SYN3: variants seen among roughly 807,000 people sequenced by gnomAD.
SYN3 encodes the protein synapsin III.
In SYN3, 35 loss-of-function variants were observed where a neutral mutation model predicts 65.8. The ratio of observed to expected loss-of-function variants is 0.53; its 90% CI spans 0.41 to 0.70. The LOEUF (loss-of-function observed/expected upper bound fraction) is 0.70, where lower values mean the gene tolerates loss of function less well. SYN3 is among the 30% of genes least tolerant of loss of function. The pLI is 0.00. For missense variants in SYN3, 680 were observed against 749.0 expected, an observed-to-expected ratio of 0.91 and a Z score of 1.08; for synonymous variants, 270 against 292.9, an observed-to-expected ratio of 0.92 and a Z score of 0.80.
chr22:32,664,485 C>T (rs1345914933), intron 6 of SYN3, among the ~76,000 whole-genome samples: 1 of 150,352 alleles, frequency 6.7e-6, no homozygotes, highest in Admixed American at 6.6e-5. Flanking sequence ...TTTTGGGGAA[C>T]AGGAGGTGTC....
Position 33,046,841 on chromosome 22 carries a change from TAAA to T in SYN3, c.-163+11448_-163+11450del, listed in dbSNP as rs71187229. On this transcript the variant is annotated intron_variant, in intron 1 of 13. Coordinates refer to ENST00000358763, the MANE Select transcript of SYN3 (RefSeq NM_003490.4). The stretch of plus-strand genomic sequence containing the variant: ...CTGGGCAACAGAGCAAGTCTCTGTT[TAAA>T]AAAAAAAAAAAAAAAAAAAAAAATC... Among the ~76,000 whole-genome samples the T allele has an allele frequency of 1.0e-3, 97 of 92,784 alleles. 1 individual carries two copies. The Middle Eastern group carries it at 0.017, about 16-fold the overall frequency. The allele number at this position is 92,784 out of a possible 152,430, so 60.9% of individuals were successfully genotyped here.
At chr22:32,850,379 C>T (rs2048183974) in intron 6 of SYN3, among the ~76,000 whole-genome samples, 1 of 151,960 alleles carries the variant, frequency 6.6e-6, no homozygotes, top group African/African-American at 2.4e-5. Context: ...ATTCTAAGCA[C>T]CCTGGGATGC....
chr22:32,725,047 G>A (rs935893663), intron 6 of SYN3, among the ~76,000 whole-genome samples: 3 of 152,184 alleles, frequency 2.0e-5, no homozygotes, highest in African/African-American at 4.8e-5. Flanking sequence ...AATCTAGAAG[G>A]TGGAGGTTCC....
chr22:32,538,606 C>G (rs900067072), intron 8 of SYN3, among the ~76,000 whole-genome samples: 10 of 152,156 alleles, frequency 6.6e-5, no homozygotes, highest in African/African-American at 2.4e-4. Flanking sequence ...TAACAACCGA[C>G]CTCCCTTCCG....
intron 6 of SYN3, among the ~76,000 whole-genome samples, chr22:32,730,430 T>G (rs2061255078): frequency 6.6e-6 from 1 of 152,246 alleles, no homozygotes; most frequent in African/African-American, 2.4e-5. Flanking sequence ...TCTTCCCATT[T>G]CAGCTGATTT....
At chr22:33,008,066 A>G (rs1022979032) in intron 1 of SYN3, among the ~76,000 whole-genome samples, 2 of 152,002 alleles carry the variant, frequency 1.3e-5, no homozygotes, top group African/African-American at 4.8e-5. Context: ...CCTCCAAAGT[A>G]GCTGGGATTA....
chr22:33,043,376 C>T (rs112971392), intron 1 of SYN3, among the ~76,000 whole-genome samples: 25,237 of 152,034 alleles, frequency 0.17, 2,380 homozygotes, highest in East Asian at 0.41. Flanking sequence ...GGCGAAACCC[C>T]GTCTCTACTA....
At chr22:32,542,456 T>G (rs2058271607) in intron 7 of SYN3, among the ~76,000 whole-genome samples, 1 of 151,626 alleles carries the variant, frequency 6.6e-6, no homozygotes, top group Non-Finnish European at 1.5e-5. Context: ...GTATAGTGTG[T>G]GATATATGTG....
intron 4 of SYN3, among the ~76,000 whole-genome samples, chr22:32,911,058 C>T (rs1343811685): frequency 1.3e-5 from 2 of 152,166 alleles, no homozygotes; most frequent in Non-Finnish European, 2.9e-5. Flanking sequence ...CACACACAGA[C>T]ATAGGGTCAT....
At chr22:32,861,151 A>G (rs1435584885) in intron 6 of SYN3, 1 of 144,844 alleles carries the variant, frequency 6.9e-6, no homozygotes, top group East Asian at 2.0e-4. Flanking sequence ...TTTAGGAAAC[A>G]GAGCTGCCAA....
chr22:32,934,193 G>T (rs916028255), intron 3 of SYN3, among the ~76,000 whole-genome samples: 14 of 152,300 alleles, frequency 9.2e-5, no homozygotes, highest in African/African-American at 3.1e-4. Context: ...CAGATAAAAA[G>T]ACATTAGAAG....
intron 6 of SYN3, among the ~76,000 whole-genome samples, chr22:32,684,777 A>G (rs1487514661): frequency 1.3e-5 from 2 of 152,190 alleles, no homozygotes; most frequent in Admixed American, 1.3e-4. Flanking sequence ...TCTAAAACAG[A>G]TGTCAGAAAA....
intron 2 of SYN3, among the ~76,000 whole-genome samples, chr22:32,998,103 A>G (rs56372607): frequency 0.014 from 2,064 of 152,180 alleles, 52 homozygotes; most frequent in African/African-American, 0.047. Context: ...GTCATTGCCA[A>G]TAACGCACCA....
intron 1 of SYN3, among the ~76,000 whole-genome samples, chr22:33,046,842 A>T (rs1293799951): frequency 1.1e-3 from 19 of 17,700 alleles, no homozygotes; most frequent in Non-Finnish European, 1.7e-3. Context: ...GTCTCTGTTT[A>T]AAAAAAAAAA....
At chr22:32,678,285 G>A (rs1392312968) in intron 6 of SYN3, among the ~76,000 whole-genome samples, 1 of 152,128 alleles carries the variant, frequency 6.6e-6, no homozygotes, top group Non-Finnish European at 1.5e-5. Context: ...GGCACCTGCG[G>A]CCCAGTCCAG....
At chr22:32,665,715 T>G (rs1053034653) in intron 6 of SYN3, among the ~76,000 whole-genome samples, 23 of 152,180 alleles carry the variant, frequency 1.5e-4, no homozygotes, top group Middle Eastern at 3.4e-3. Context: ...CAGATTCCCC[T>G]CTACCTTCCT....
intron 1 of SYN3, among the ~76,000 whole-genome samples, chr22:33,053,326 G>A (rs2054202400): frequency 6.6e-6 from 1 of 152,170 alleles, no homozygotes; most frequent in Admixed American, 6.5e-5. Context: ...CGGAGGCTGA[G>A]GCAGGAGAAT....
At chr22:32,664,074 C>T (rs918552917) in intron 6 of SYN3, among the ~76,000 whole-genome samples, 44 of 152,132 alleles carry the variant, frequency 2.9e-4, no homozygotes, top group African/African-American at 9.7e-4. Context: ...TGCTCACCAC[C>T]CATCATATTG....
chr22:32,742,231 G>A (rs919993503), intron 6 of SYN3, among the ~76,000 whole-genome samples: 10 of 151,966 alleles, frequency 6.6e-5, no homozygotes, highest in African/African-American at 1.7e-4. Flanking sequence ...AGCCAAGATC[G>A]CACCACTGCA....
Sources: allele counts gnomAD v4.1 joint callset (sites outside exome capture counted in the v4.1 genomes callset), GRCh38; gene constraint gnomAD v4.1.1; transcripts MANE v1.5; gene names NCBI Gene and HGNC (gene_info 2026-07-23, HGNC 2026-07-21).